ESR1: variants seen among roughly 807,000 people sequenced by gnomAD.
The protein encoded by ESR1 is estrogen receptor 1, also known as estrogen receptor.
Under a neutral mutation model 52.7 loss-of-function variants are expected in ESR1, and 12 were observed. The observed-to-expected ratio is 0.23, with a 90% CI of 0.15 to 0.37. The LOEUF (loss-of-function observed/expected upper bound fraction) is 0.37. Among genes scored for constraint, ESR1 ranks in the 10% least tolerant of loss-of-function variants. The pLI is 1.00. For synonymous variants in ESR1, 305 were observed against 316.8 expected (o/e 0.96, Z 0.39); for missense variants, 584 against 779.7 (o/e 0.75, Z 2.99).
intron 2 of ESR1, among the ~76,000 whole-genome samples, chr6:151,863,831 A>G (rs577853970): frequency 4.0e-4 from 61 of 152,336 alleles, no homozygotes; most frequent in African/African-American, 1.4e-3. Context: ...TATTTAATAA[A>G]TAGTGCTGGG....
intron 2 of ESR1, among the ~76,000 whole-genome samples, chr6:151,738,092 T>C (rs961430110): frequency 1.3e-5 from 2 of 152,222 alleles, no homozygotes; most frequent in Non-Finnish European, 2.9e-5. Flanking sequence ...CATTTCATTG[T>C]TGTCTTTTCA....
At position 151,873,590 on chromosome 6, in the gene ESR1, T is replaced by C. The variant is rs1417997934; in HGVS notation, c.644-7065T>C. Among the ~76,000 whole-genome samples the C allele has an allele frequency of 2.6e-5, 4 of 152,340 alleles. No homozygotes were observed. The East Asian group carries it at 5.8e-4, about 22-fold the overall frequency. ...GCTTTGAAAATTCACGTGCAGATTC[T>C]TACTATTTTCCCAAATGTTACAGCT... is the stretch of plus-strand genomic sequence containing the variant. On this transcript the variant is annotated intron_variant, in intron 2 of 7. Transcript: ENST00000206249.
At chr6:151,924,255 C>T (rs2032271605) in intron 3 of ESR1, among the ~76,000 whole-genome samples, 1 of 152,072 alleles carries the variant, frequency 6.6e-6, no homozygotes, top group Admixed American at 6.5e-5. Flanking sequence ...ATTGGCCAGG[C>T]TGGTCTTGAA....
chr6:151,807,258 C>T (rs908069055), upstream of ESR1: 1 of 162,154 alleles, frequency 6.2e-6, no homozygotes, highest in Non-Finnish European at 1.4e-5. Flanking sequence ...TCCCCAGGGT[C>T]ATCCTATGTA....
At chr6:151,863,203 G>A (rs1789210538) in intron 2 of ESR1, among the ~76,000 whole-genome samples, 1 of 152,142 alleles carries the variant, frequency 6.6e-6, no homozygotes, top group South Asian at 2.1e-4. Flanking sequence ...GCTTGATGGG[G>A]ATGGCATTGA....
At chr6:151,819,164 A>G (rs181002783) in intron 1 of ESR1, among the ~76,000 whole-genome samples, 49 of 152,318 alleles carry the variant, frequency 3.2e-4, no homozygotes, top group Non-Finnish European at 5.6e-4. Context: ...TGCTATCCCT[A>G]TCAGGTGAAT....
intron 5 of ESR1, among the ~76,000 whole-genome samples, chr6:152,040,264 G>T (rs1380096349): frequency 6.6e-6 from 1 of 152,096 alleles, no homozygotes; most frequent in African/African-American, 2.4e-5. Context: ...CTCCATCCCT[G>T]CCACCACAGC....
intron 2 of ESR1, among the ~76,000 whole-genome samples, chr6:151,787,923 C>G (rs1418078285): frequency 6.6e-6 from 1 of 152,102 alleles, no homozygotes; most frequent in Non-Finnish European, 1.5e-5. Context: ...TTTCTTGTAA[C>G]TGGACCCCTT....
At chr6:151,754,912 G>A (rs970651214) in intron 2 of ESR1, among the ~76,000 whole-genome samples, 5 of 152,112 alleles carry the variant, frequency 3.3e-5, no homozygotes, top group African/African-American at 7.2e-5. Flanking sequence ...AACTTAACAT[G>A]TCTAAAACCA....
intron 3 of ESR1, among the ~76,000 whole-genome samples, chr6:151,899,435 C>T (rs1312790250): frequency 1.5e-4 from 21 of 139,024 alleles, no homozygotes; most frequent in African/African-American, 4.7e-4. Context: ...TGGGCAGAGG[C>T]GCCCCTCACC....
At chr6:151,699,805 G>A (rs928108425) in intron 1 of ESR1, among the ~76,000 whole-genome samples, 1 of 152,118 alleles carries the variant, frequency 6.6e-6, no homozygotes, top group African/African-American at 2.4e-5. Context: ...GAAAATGCTG[G>A]CTCTTTCTTC....
chr6:152,125,171 A>AAATCC lies in ESR1; in HGVS notation c.851-94_851-90dup, dbSNP rs146399828. 2.2e-3 allele frequency: 3,194 copies of AAATCC among 1,438,668 alleles called. 46 individuals are homozygous for AAATCC. In the African/African-American group the frequency reaches 0.033, roughly 15 times the overall value. The allele number at this position is 1,438,668 out of a possible 1,614,324, so 89.1% of individuals were successfully genotyped here. ...GGCCTAGCAGGGACTCAGGCTTCCA[A>AAATCC]AATCCCTGCCCACCGCACTCTCTGC... On this transcript the variant is annotated intron_variant, in intron 6 of 6. Transcript: ENST00000427531.
intron 5 of ESR1, among the ~76,000 whole-genome samples, chr6:152,052,362 G>A (rs1163962612): frequency 2.6e-5 from 4 of 152,120 alleles, no homozygotes; most frequent in African/African-American, 9.7e-5. Context: ...CAATAAGCTC[G>A]CTGAATGTAG....
rs192766093 is a variant in ESR1 at position 151,931,312 on chromosome 6, C to G, written c.761-12861C>G. On this transcript the variant is annotated intron_variant, in intron 3 of 7. Transcript: ENST00000206249. Reference sequence around the variant, plus strand: ...CGTGTTGAATCAATTGATTAGTCCTCAAAGACATTTTTCATTTCTGTTACA... The same window carrying G: ...CGTGTTGAATCAATTGATTAGTCCTGAAAGACATTTTTCATTTCTGTTACA... Among the ~76,000 whole-genome samples the G allele has an allele frequency of 1.9e-3, 290 of 152,238 alleles. 1 individual carries two copies. The highest frequency in any genetic ancestry group is 6.8e-3 in the African/African-American group (281 of 41,548).
chr6:151,990,616 A>G (rs1369982295), intron 4 of ESR1, among the ~76,000 whole-genome samples: 1 of 151,538 alleles, frequency 6.6e-6, no homozygotes, highest in African/African-American at 2.4e-5. Context: ...GGTGGCCCAT[A>G]GCTGCAGAGG....
At chr6:152,034,916 T>C (rs1378003904) in intron 5 of ESR1, among the ~76,000 whole-genome samples, 1 of 152,230 alleles carries the variant, frequency 6.6e-6, no homozygotes, top group African/African-American at 2.4e-5. Context: ...TGCTGCAATG[T>C]GTTTTGATTT....
At chr6:152,077,474 G>A (rs1352269076) in intron 6 of ESR1, among the ~76,000 whole-genome samples, 1 of 152,214 alleles carries the variant, frequency 6.6e-6, no homozygotes, top group Non-Finnish European at 1.5e-5. Flanking sequence ...TAGTGGAGCT[G>A]TAAGAGGAGG....
In ESR1 at chr6:151,919,620, A is replaced by G. The variant is rs976079951; in HGVS notation, c.761-24553A>G. Among the ~76,000 whole-genome samples the G allele has an allele frequency of 3.9e-5, 6 of 152,226 alleles. No individual in the cohort carries two copies. In the East Asian group the frequency reaches 7.7e-4, roughly 20 times the overall value. On this transcript the variant is annotated intron_variant, in intron 3 of 7. Coordinates refer to ENST00000206249, the MANE Select transcript of ESR1 (RefSeq NM_000125.4). ...CATGTCGAACATGTTGACCCCATCA[A>G]TGTAATCAGTTTGACATTACACAGT...
intron 5 of ESR1, among the ~76,000 whole-genome samples, chr6:152,024,648 T>G (rs2043970443): frequency 6.8e-6 from 1 of 147,982 alleles, no homozygotes; most frequent in African/African-American, 2.4e-5. Flanking sequence ...TTATACCTAT[T>G]TTATATAGAT....
Sources: gnomAD v4.1 joint callset for allele counts (sites outside exome capture counted in the v4.1 genomes callset) on GRCh38, gnomAD v4.1.1 for gene constraint, MANE v1.5 for transcripts, NCBI Gene and HGNC (gene_info 2026-07-23, HGNC 2026-07-21) for gene names.